CSMD3: variants seen among roughly 807,000 people sequenced by gnomAD.
CSMD3 encodes CUB and Sushi multiple domains 3.
CSMD3 carries 177 observed loss-of-function variants against 435.2 expected under a neutral mutation model. The ratio of observed to expected loss-of-function variants is 0.41; its 90% CI spans 0.36 to 0.46. CSMD3 has a LOEUF of 0.46. Among genes scored for constraint, CSMD3 ranks in the 20% least tolerant of loss-of-function variants. The pLI is 0.34. For missense variants in CSMD3, 4,265 were observed against 4,504.6 expected (o/e 0.95, Z 1.52); for synonymous variants, 1,656 against 1,520.5 (o/e 1.09, Z -2.07).
chr8:112,418,703 T>C (rs1217750053), intron 32 of CSMD3, among the ~76,000 whole-genome samples: 1 of 152,164 alleles, frequency 6.6e-6, no homozygotes, highest in African/African-American at 2.4e-5. Flanking sequence ...TGAGCTACTG[T>C]TTTTTAAAAC....
At chr8:113,034,626 A>G (rs2087260414) in intron 5 of CSMD3, among the ~76,000 whole-genome samples, 1 of 152,148 alleles carries the variant, frequency 6.6e-6, no homozygotes, top group South Asian at 2.1e-4. Flanking sequence ...GTGTTTCAGA[A>G]CACTGAATAT....
chr8:113,003,755 A>C (rs2085952272), intron 6 of CSMD3, among the ~76,000 whole-genome samples: 1 of 152,022 alleles, frequency 6.6e-6, no homozygotes, highest in Non-Finnish European at 1.5e-5. Context: ...GATTGCAGAA[A>C]CATGATTCTA....
chr8:112,446,580 C>T (rs1815629300), intron 32 of CSMD3, among the ~76,000 whole-genome samples: 1 of 152,168 alleles, frequency 6.6e-6, no homozygotes, highest in African/African-American at 2.4e-5. Flanking sequence ...CATCTGATTT[C>T]TACCTATGGC....
chr8:112,884,739 A>G (rs1215047094), intron 10 of CSMD3, among the ~76,000 whole-genome samples: 2 of 150,984 alleles, frequency 1.3e-5, no homozygotes, highest in Non-Finnish European at 3.0e-5. Context: ...TTTACTTGGT[A>G]CTTTACCAAA....
rs529029374 is a variant in CSMD3, at chr8:113,334,087, G to T, written c.179-19294C>A. On this transcript the variant is annotated intron_variant, in intron 1 of 70. Transcript: ENST00000297405. ...TTCACTGCTACTATACAAAAATTAC[G>T]ATTTTTAACTGATATTTGCTTTGTA... 7.2e-5 allele frequency among the ~76,000 whole-genome samples: 11 copies of T among 151,826 alleles called. No individual in the cohort carries two copies. In the South Asian group the frequency reaches 1.0e-3, roughly 14 times the overall value.
At chr8:112,691,787 T>C (rs932466106) in intron 13 of CSMD3, among the ~76,000 whole-genome samples, 3 of 152,006 alleles carry the variant, frequency 2.0e-5, no homozygotes, top group African/African-American at 7.2e-5. Context: ...AAATTGTTTT[T>C]TTGTTTGTTT....
chr8:113,248,347 A>G (rs904622891), intron 3 of CSMD3, among the ~76,000 whole-genome samples: 9 of 150,756 alleles, frequency 6.0e-5, no homozygotes, highest in Non-Finnish European at 1.3e-4. Context: ...TAAAAACTCT[A>G]TTGTATATAA....
At chr8:113,420,386 G>A (rs993027636) in intron 1 of CSMD3, among the ~76,000 whole-genome samples, 1 of 151,640 alleles carries the variant, frequency 6.6e-6, no homozygotes, top group Non-Finnish European at 1.5e-5. Flanking sequence ...TTCTCAATGA[G>A]TACTTAAAAA....
At chr8:112,969,780 A>G (rs2084573864) in intron 7 of CSMD3, among the ~76,000 whole-genome samples, 1 of 152,080 alleles carries the variant, frequency 6.6e-6, no homozygotes, top group South Asian at 2.1e-4. Flanking sequence ...GGACTTGTCC[A>G]CATATTGAAA....
chr8:112,757,401 T>C (rs1366990509), intron 13 of CSMD3, among the ~76,000 whole-genome samples: 1 of 152,084 alleles, frequency 6.6e-6, no homozygotes, highest in Non-Finnish European at 1.5e-5. Flanking sequence ...TATATACATA[T>C]ATGTAATATT....
intron 13 of CSMD3, among the ~76,000 whole-genome samples, chr8:112,739,492 C>T (rs754844218): frequency 3.3e-5 from 5 of 151,698 alleles, no homozygotes; most frequent in East Asian, 1.9e-4. Flanking sequence ...CTGTAAAATT[C>T]GTTGTTTGTG....
At chr8:113,417,481 T>G (rs563480021) in intron 1 of CSMD3, among the ~76,000 whole-genome samples, 1 of 152,018 alleles carries the variant, frequency 6.6e-6, no homozygotes, top group East Asian at 1.9e-4. Context: ...ATTATTATAT[T>G]AATATTTTGG....
chr8:112,449,642 T>C (rs1183342581), intron 32 of CSMD3, among the ~76,000 whole-genome samples: 1 of 152,212 alleles, frequency 6.6e-6, no homozygotes, highest in Non-Finnish European at 1.5e-5. Flanking sequence ...TTTCTTCCAA[T>C]ATTCACACAC....
rs1438531972 is a variant in CSMD3 at position 112,335,428 on chromosome 8, T to C, written c.7066A>G (p.Asn2356Asp). ...NSPQIGQFSG[N>D]TALESVYSTS... ...CTGTAGACTGATTCCAAAGCGGTAT[T>C]GCCACTGAACTGACCGATCTGAGGT... Residue 2356 changes from asparagine (N) to aspartate (D), a missense_variant, in exon 45 of 71, where the codon AAT (asparagine) becomes GAT (aspartate). This residue lies in a region of CSMD3 where 3,255 missense variants were observed against 3,380.2 expected (regional missense o/e 0.96). Transcript: ENST00000297405. 6.2e-7 allele frequency: 1 copy of C among 1,613,854 alleles called. No individual in the cohort carries two copies. The highest frequency in any genetic ancestry group is 1.7e-5 in the Admixed American group (1 of 60,010).
intron 3 of CSMD3, among the ~76,000 whole-genome samples, chr8:113,218,455 G>T (rs1332023910): frequency 7.2e-6 from 1 of 137,984 alleles, no homozygotes; most frequent in Admixed American, 7.2e-5. Flanking sequence ...TAAAAAATCA[G>T]TAAAGTGCTA....
chr8:112,863,019 T>A (rs943339251), intron 10 of CSMD3, among the ~76,000 whole-genome samples: 1 of 152,056 alleles, frequency 6.6e-6, no homozygotes, highest in Non-Finnish European at 1.5e-5. Context: ...TCTCTATTTT[T>A]TGCTCTGACT....
intron 13 of CSMD3, among the ~76,000 whole-genome samples, chr8:112,799,488 TAG>T (rs749358644): frequency 1.3e-5 from 2 of 151,988 alleles, no homozygotes; most frequent in Non-Finnish European, 2.9e-5. Context: ...TTGAGCTTAT[TAG>T]TAATTTTTTC....
At chr8:113,076,304 T>A (rs2089334777) in intron 5 of CSMD3, among the ~76,000 whole-genome samples, 1 of 151,838 alleles carries the variant, frequency 6.6e-6, no homozygotes. Context: ...TCATAATACA[T>A]CTTTTGCTGC....
intron 27 of CSMD3, among the ~76,000 whole-genome samples, chr8:112,520,915 C>A (rs1346723890): frequency 2.0e-5 from 3 of 151,812 alleles, no homozygotes; most frequent in East Asian, 3.9e-4. Flanking sequence ...CCATCAAATC[C>A]ATCACCTCAC....
Sources: gnomAD v4.1 joint callset for allele counts (sites outside exome capture counted in the v4.1 genomes callset) on GRCh38, gnomAD v4.1.1 for gene constraint, gnomAD v4.1.1 regional missense constraint, MANE v1.5 for transcripts, NCBI Gene and HGNC (gene_info 2026-07-23, HGNC 2026-07-21) for gene names.